Variants in ABHD17B observed in about 807,000 individuals in gnomAD.
The protein encoded by ABHD17B is alpha/beta hydrolase domain-containing protein 17B.
A neutral mutation model predicts 26.2 loss-of-function variants in ABHD17B; 9 were observed. That is an observed-to-expected ratio of 0.34 (90% CI 0.21 to 0.60). The LOEUF (loss-of-function observed/expected upper bound fraction) is 0.60. Among genes scored for constraint, ABHD17B ranks in the 20% least tolerant of loss-of-function variants. The pLI is 0.80. For missense variants in ABHD17B, 224 were observed against 352.1 expected (o/e 0.64, Z 2.91); for synonymous variants, 127 against 122.3 (o/e 1.04, Z -0.25).
intron 1 of ABHD17B, among the ~76,000 whole-genome samples, chr9:71,903,385 TAAAG>T (rs1293472158): frequency 2.0e-5 from 3 of 152,162 alleles, no homozygotes; most frequent in African/African-American, 7.2e-5. Flanking sequence ...TTTTATACTT[TAAAG>T]AGAGTCCATG....
chr9:71,910,076 C>T (rs1038388986), intron 1 of ABHD17B, among the ~76,000 whole-genome samples: 3 of 152,116 alleles, frequency 2.0e-5, no homozygotes, highest in Non-Finnish European at 4.4e-5. Flanking sequence ...GCCCAACCAT[C>T]TAAAGAAAAA....
At chr9:71,901,948 T>C (rs1827156057) in intron 1 of ABHD17B, among the ~76,000 whole-genome samples, 1 of 152,214 alleles carries the variant, frequency 6.6e-6, no homozygotes, top group African/African-American at 2.4e-5. Context: ...TGGCATGCTA[T>C]ACATGATTCC....
In ABHD17B at chr9:71,866,720, T is replaced by G. The variant is rs1825965982; in HGVS notation, c.*67A>C. 1 of 1,581,042 alleles carries G rather than the reference T, an allele frequency of 6.3e-7. No homozygotes were observed. Among genetic ancestry groups the G allele is most frequent in the Non-Finnish European group, 8.6e-7 (1 of 1,163,586 alleles). On this transcript the variant is annotated 3_prime_UTR_variant, in exon 4 of 4. Transcript: ENST00000333421. The stretch of plus-strand genomic sequence containing the variant: ...ATTTGCAAACAAAACCTTCAGGTTT[T>G]ATGTTATTTACCAAAGAGTGCAGTT...
chr9:71,898,072 A>C (rs563045156), intron 1 of ABHD17B, among the ~76,000 whole-genome samples: 1 of 152,208 alleles, frequency 6.6e-6, no homozygotes, highest in South Asian at 2.1e-4. Context: ...AGAAAATAAG[A>C]ACAATATATT....
intron 2 of ABHD17B, among the ~76,000 whole-genome samples, chr9:71,870,507 T>C (rs1172232552): frequency 6.6e-6 from 1 of 152,216 alleles, no homozygotes; most frequent in East Asian, 1.9e-4. Context: ...AAGATTTCAA[T>C]CTTAAGAAAT....
intron 1 of ABHD17B, among the ~76,000 whole-genome samples, chr9:71,879,107 G>A (rs1826365397): frequency 6.6e-6 from 1 of 152,182 alleles, no homozygotes; most frequent in South Asian, 2.1e-4. Context: ...AGCGAGCTGT[G>A]ATAGAGCCAC....
intron 1 of ABHD17B, among the ~76,000 whole-genome samples, chr9:71,910,405 C>A (rs1452707287): frequency 6.6e-6 from 1 of 152,192 alleles, no homozygotes; most frequent in Non-Finnish European, 1.5e-5. Context: ...CTACCGCTCC[C>A]CTTCACGCAA....
intron 1 of ABHD17B, among the ~76,000 whole-genome samples, chr9:71,906,839 G>A (rs1383128246): frequency 6.6e-6 from 1 of 151,316 alleles, no homozygotes; most frequent in Non-Finnish European, 1.5e-5. Flanking sequence ...AACAGCATCT[G>A]CATCAGTAGG....
At chr9:71,872,306 T>C (rs1271647102) in intron 2 of ABHD17B, among the ~76,000 whole-genome samples, 2 of 152,186 alleles carry the variant, frequency 1.3e-5, no homozygotes, top group Non-Finnish European at 2.9e-5. Context: ...GTGGGATTAT[T>C]GATGAAATCT....
At chr9:71,903,998 G>A (rs1564075018) in intron 1 of ABHD17B, among the ~76,000 whole-genome samples, 1 of 152,102 alleles carries the variant, frequency 6.6e-6, no homozygotes, top group Admixed American at 6.5e-5. Flanking sequence ...CAGGAACACA[G>A]GTTTCACTTA....
chr9:71,867,089 T>A, intron 3 of ABHD17B, 83 bp from the exon 4 acceptor site: 3 of 1,453,406 alleles, frequency 2.1e-6, no homozygotes, highest in Non-Finnish European at 2.8e-6. Flanking sequence ...AGACAGATAA[T>A]TCAAATATGA....
intron 1 of ABHD17B, among the ~76,000 whole-genome samples, chr9:71,891,816 T>C (rs1826792627): frequency 6.6e-6 from 1 of 152,228 alleles, no homozygotes; most frequent in South Asian, 2.1e-4. Context: ...ATCTCTTCAA[T>C]GGGACCAGAA....
intron 1 of ABHD17B, 60 bp from the exon 2 acceptor site, chr9:71,875,143 A>G: frequency 1.5e-6 from 2 of 1,351,090 alleles, no homozygotes; most frequent in Non-Finnish European, 2.0e-6. Context: ...CATACAATAA[A>G]AAGTTAAAAC....
chr9:71,894,810 A>G (rs1245573100), intron 1 of ABHD17B, among the ~76,000 whole-genome samples: 2 of 152,186 alleles, frequency 1.3e-5, no homozygotes, highest in African/African-American at 4.8e-5. Flanking sequence ...TAGGTGACAA[A>G]GCAAGAACAC....
chr9:71,903,287 C>A (rs996064861), intron 1 of ABHD17B, among the ~76,000 whole-genome samples: 1 of 151,950 alleles, frequency 6.6e-6, no homozygotes, highest in Non-Finnish European at 1.5e-5. Context: ...CTATAAGAAG[C>A]TTCTCATGAG....
At chr9:71,910,217 C>A (rs1352733481) in intron 1 of ABHD17B, among the ~76,000 whole-genome samples, 1 of 152,118 alleles carries the variant, frequency 6.6e-6, no homozygotes, top group African/African-American at 2.4e-5. Context: ...TCTCTCAGTG[C>A]GCCAGTGAGG....
At chr9:71,868,289 T>C (rs190876920) in intron 3 of ABHD17B, among the ~76,000 whole-genome samples, 7 of 152,282 alleles carry the variant, frequency 4.6e-5, no homozygotes, top group African/African-American at 1.4e-4. Context: ...AGCCCTTTAG[T>C]TGATCTGCTA....
At chr9:71,884,263 A>G (rs530641814) in intron 1 of ABHD17B, among the ~76,000 whole-genome samples, 53 of 152,324 alleles carry the variant, frequency 3.5e-4, no homozygotes, top group African/African-American at 1.3e-3. Context: ...CATTGTGTTT[A>G]CCAATGACCC....
In ABHD17B at chr9:71,877,457, G is replaced by A. The variant is rs966992694; in HGVS notation, c.-3-2374C>T. On this transcript the variant is annotated intron_variant, in intron 1 of 3. Coordinates refer to ENST00000333421, the MANE Select transcript of ABHD17B (RefSeq NM_001025780.3). ...TTTCGAGACGAAGTCTCACTCTATC[G>A]CCCAGGCTGGAGTGCAGTGGTGCGA... Among the ~76,000 whole-genome samples, 4 of 152,226 alleles carry A rather than the reference G, an allele frequency of 2.6e-5. No homozygotes were observed. In the East Asian group the frequency reaches 7.7e-4, roughly 29 times the overall value.
Sources: gnomAD v4.1 joint callset for allele counts (sites outside exome capture counted in the v4.1 genomes callset) on GRCh38, gnomAD v4.1.1 for gene constraint, MANE v1.5 for transcripts, NCBI Gene and HGNC (gene_info 2026-07-23, HGNC 2026-07-21) for gene names.